Variants in ASIC2 observed in about 807,000 individuals in gnomAD.
ASIC2 encodes the protein acid sensing ion channel subunit 2.
ASIC2 carries 25 observed loss-of-function variants against 57.3 expected under a neutral mutation model. The ratio of observed to expected loss-of-function variants is 0.44; its 90% CI spans 0.32 to 0.61. The LOEUF is 0.61. Among genes scored for constraint, ASIC2 ranks in the 20% least tolerant of loss-of-function variants. The pLI is 0.06. For missense variants in ASIC2, 641 were observed against 738.1 expected (o/e 0.87, Z 1.52); for synonymous variants, 319 against 307.5 (o/e 1.04, Z -0.39).
chr17:33,038,442 G>A (rs2091917797), intron 3 of ASIC2, among the ~76,000 whole-genome samples: 1 of 152,154 alleles, frequency 6.6e-6, no homozygotes, highest in South Asian at 2.1e-4. Flanking sequence ...GAGTGGAGCT[G>A]GGAGAGAGAT....
At chr17:33,454,151 T>G (rs535716366) in intron 1 of ASIC2, among the ~76,000 whole-genome samples, 2 of 152,352 alleles carry the variant, frequency 1.3e-5, no homozygotes, top group African/African-American at 4.8e-5. Context: ...ACATTTCTTT[T>G]ACTTGTCCCC....
chr17:33,675,633 G>A (rs556255255), intron 1 of ASIC2, among the ~76,000 whole-genome samples: 5 of 152,268 alleles, frequency 3.3e-5, no homozygotes, highest in East Asian at 3.9e-4. Flanking sequence ...GTGCAGTGGT[G>A]CAATCAAGGC....
At chr17:33,183,671 T>C (rs1023810350) in intron 1 of ASIC2, among the ~76,000 whole-genome samples, 1 of 152,228 alleles carries the variant, frequency 6.6e-6, no homozygotes, top group South Asian at 2.1e-4. Flanking sequence ...AAAGCACTTA[T>C]TGTATTCATG....
chr17:33,903,134 T>C (rs1915266502), intron 1 of ASIC2, among the ~76,000 whole-genome samples: 1 of 152,192 alleles, frequency 6.6e-6, no homozygotes, highest in Non-Finnish European at 1.5e-5. Flanking sequence ...AATTTATTCC[T>C]TTCCAGCAGC....
chr17:33,962,690 A>G (rs190068967), intron 1 of ASIC2, among the ~76,000 whole-genome samples: 2 of 152,220 alleles, frequency 1.3e-5, no homozygotes, highest in East Asian at 3.9e-4. Flanking sequence ...TATGTGAGAG[A>G]TTCACCGGGC....
intron 1 of ASIC2, among the ~76,000 whole-genome samples, chr17:33,952,013 A>G (rs1159686500): frequency 6.6e-6 from 1 of 152,230 alleles, no homozygotes; most frequent in African/African-American, 2.4e-5. Context: ...ATTAAATTGC[A>G]TACATATAGT....
chr17:34,015,610 C>T (rs2142024802), intron 1 of ASIC2, among the ~76,000 whole-genome samples: 1 of 152,368 alleles, frequency 6.6e-6, no homozygotes, highest in African/African-American at 2.4e-5. Flanking sequence ...AAGCCCTCAT[C>T]TTCATCATTT....
chr17:33,819,143 G>C (rs1912675287), intron 1 of ASIC2, among the ~76,000 whole-genome samples: 1 of 152,210 alleles, frequency 6.6e-6, no homozygotes, highest in Non-Finnish European at 1.5e-5. Context: ...TCACAGAGCT[G>C]GTAAGTATGC....
At chr17:33,436,354 T>G (rs1911606928) in intron 1 of ASIC2, among the ~76,000 whole-genome samples, 1 of 152,114 alleles carries the variant, frequency 6.6e-6, no homozygotes, top group Admixed American at 6.5e-5. Flanking sequence ...TGGCCAGAGG[T>G]CACAAGATTT....
intron 1 of ASIC2, among the ~76,000 whole-genome samples, chr17:33,691,045 G>A (rs775367249): frequency 1.1e-4 from 16 of 151,962 alleles, no homozygotes; most frequent in Non-Finnish European, 1.9e-4. Flanking sequence ...CACCGTGCCC[G>A]GCCTAGACAG....
intron 1 of ASIC2, among the ~76,000 whole-genome samples, chr17:33,714,378 T>A (rs1291739893): frequency 2.0e-5 from 3 of 152,208 alleles, no homozygotes; most frequent in Non-Finnish European, 4.4e-5. Flanking sequence ...GTGGAATGGC[T>A]AACTAAATGG....
intron 1 of ASIC2, among the ~76,000 whole-genome samples, chr17:33,861,315 G>T (rs1914094891): frequency 6.6e-6 from 1 of 152,152 alleles, no homozygotes; most frequent in Admixed American, 6.5e-5. Context: ...GTTCAAAATT[G>T]TTTATACAGT....
chr17:33,070,181 G>A (rs185333073), intron 3 of ASIC2, among the ~76,000 whole-genome samples: 1 of 151,952 alleles, frequency 6.6e-6, no homozygotes, highest in African/African-American at 2.4e-5. Context: ...TTACGATATT[G>A]CTGTCATTTA....
chr17:33,268,395 A>G (rs971708627), intron 1 of ASIC2, among the ~76,000 whole-genome samples: 4 of 151,452 alleles, frequency 2.6e-5, no homozygotes, highest in Admixed American at 6.6e-5. Context: ...CCATCCATCT[A>G]TACATTTATC....
chr17:33,287,324 C>CAG (rs1259407216), intron 1 of ASIC2, among the ~76,000 whole-genome samples: 2 of 152,194 alleles, frequency 1.3e-5, no homozygotes, highest in African/African-American at 2.4e-5. Flanking sequence ...TGCCATCTGC[C>CAG]AGAGAGAGAG....
chr17:33,715,150 C>A (rs922869086), intron 1 of ASIC2, among the ~76,000 whole-genome samples: 2 of 151,918 alleles, frequency 1.3e-5, no homozygotes, highest in African/African-American at 4.8e-5. Context: ...TAGGAAGATG[C>A]TGCTGCACTT....
chr17:33,906,675 C>T (rs1294600410), intron 1 of ASIC2, among the ~76,000 whole-genome samples: 1 of 152,188 alleles, frequency 6.6e-6, no homozygotes, highest in African/African-American at 2.4e-5. Flanking sequence ...TTTCATTCAC[C>T]CTCTCCTATA....
rs190429756 is a variant in ASIC2, at chr17:34,130,147, C to T, written c.555+25831G>A. The stretch of plus-strand genomic sequence containing the variant: ...CATCATGAAAGGACTAAATTAGAGA[C>T]ATGAAGAAAGACAGAATGCTCTGAC... On this transcript the variant is annotated intron_variant, in intron 1 of 9. Transcript: ENST00000359872. Among the ~76,000 whole-genome samples the T allele has an allele frequency of 3.2e-4, 49 of 152,330 alleles. 1 individual carries two copies. Among genetic ancestry groups the T allele is most frequent in the African/African-American group, 1.1e-3 (46 of 41,568 alleles).
chr17:34,018,914 G>GTT (rs796680487), intron 1 of ASIC2, among the ~76,000 whole-genome samples: 3 of 146,358 alleles, frequency 2.0e-5, no homozygotes, highest in African/African-American at 7.5e-5. Flanking sequence ...CTTTTTGTTT[G>GTT]TTTTTTTTTT....
Sources: allele counts gnomAD v4.1 joint callset (sites outside exome capture counted in the v4.1 genomes callset), GRCh38; gene constraint gnomAD v4.1.1; transcripts MANE v1.5; gene names NCBI Gene and HGNC (gene_info 2026-07-23, HGNC 2026-07-21).